ZC3H6: variants seen among roughly 807,000 people sequenced by gnomAD.
ZC3H6 encodes the protein zinc finger CCCH-type containing 6, also known as zinc finger CCCH domain-containing protein 6.
Under a neutral mutation model 107.7 loss-of-function variants are expected in ZC3H6, and 40 were observed. That is an observed-to-expected ratio of 0.37 (90% confidence interval 0.29 to 0.48). The LOEUF is 0.48. ZC3H6 is among the 20% of genes least tolerant of loss of function. The pLI is 0.98. For missense variants in ZC3H6, 1,267 were observed against 1,410.4 expected (o/e 0.90, Z 1.63); for synonymous variants, 493 against 487.9 (o/e 1.01, Z -0.14).
At chr2:112,293,895 G>A (rs1029690283) in intron 1 of ZC3H6, among the ~76,000 whole-genome samples, 2 of 152,146 alleles carry the variant, frequency 1.3e-5, no homozygotes, top group Admixed American at 6.5e-5. Context: ...GAAACTAAAC[G>A]GGACCACATG....
chr2:112,290,666 T>A (rs1573948831), intron 1 of ZC3H6, among the ~76,000 whole-genome samples: 1 of 151,810 alleles, frequency 6.6e-6, no homozygotes. Flanking sequence ...TTTTTTTTTT[T>A]AGCTGGAAGG....
At position 112,332,089 on chromosome 2, in the gene ZC3H6, A is replaced by G; in HGVS notation, c.3171A>G (p.Ser1057=). The G allele has an allele frequency of 6.2e-7, 1 of 1,614,012 alleles. No homozygotes were observed. ...SLYDPRDHGS[S]STSELATASS... is the part of the protein sequence containing the mutation. ...ATGACCCTAGGGATCACGGTTCATC[A>G]TCCACATCAGAGCTAGCAACAGCTT... Residue 1057 remains serine, a synonymous_variant, in exon 12 of 12, where the codon TCA becomes TCG. Coordinates refer to ENST00000409871, the MANE Select transcript of ZC3H6 (RefSeq NM_198581.3).
intron 11 of ZC3H6, among the ~76,000 whole-genome samples, chr2:112,328,506 T>A (rs1676955979): frequency 6.6e-6 from 1 of 152,240 alleles, no homozygotes; most frequent in Non-Finnish European, 1.5e-5. Flanking sequence ...CTCTTCAGTT[T>A]CTTGCATCAA....
rs372173702 is a variant in ZC3H6, at chr2:112,325,213, T to A, written c.2086+16T>A. 3 of 1,611,502 alleles carry A rather than the reference T, an allele frequency of 1.9e-6. No individual in the cohort carries two copies. Among genetic ancestry groups the A allele is most frequent in the South Asian group, 2.2e-5 (2 of 90,916 alleles). On this transcript the variant is annotated intron_variant, in intron 11 of 11. Transcript: ENST00000409871. Reference sequence around the variant, plus strand: ...AAGGAAGAAGGTGTGTCAGAAGTTATTAATAGCATCTTACCTATTTGGATG... The same window carrying A: ...AAGGAAGAAGGTGTGTCAGAAGTTAATAATAGCATCTTACCTATTTGGATG...
At chr2:112,329,866 A>G (rs1056472529) in intron 11 of ZC3H6, among the ~76,000 whole-genome samples, 2 of 152,224 alleles carry the variant, frequency 1.3e-5, no homozygotes, top group East Asian at 3.8e-4. Context: ...GTATATTTTA[A>G]TGGAGAGGAG....
intron 5 of ZC3H6, among the ~76,000 whole-genome samples, chr2:112,312,369 ATATAAAT>A (rs1676609841): frequency 1.3e-5 from 2 of 152,136 alleles, no homozygotes; most frequent in African/African-American, 2.4e-5. Context: ...AGAAAGGGGG[ATATAAAT>A]GGTTGGAAAG....
At chr2:112,308,302 A>G (rs1676515015) in intron 3 of ZC3H6, among the ~76,000 whole-genome samples, 2 of 151,788 alleles carry the variant, frequency 1.3e-5, no homozygotes, top group Non-Finnish European at 2.9e-5. Flanking sequence ...TTAGTTATGC[A>G]TTTTTTCTCT....
At position 112,275,729 on chromosome 2, in the gene ZC3H6, A is replaced by G. The variant is rs1558942490; in HGVS notation, c.-266A>G. 4.8e-6 allele frequency: 2 copies of G among 415,518 alleles called. No individual in the cohort carries two copies. 25.7% of individuals were successfully genotyped at this position (415,518 alleles called of 1,614,324 possible). ...CCCACGCCACAGCCACCGGCGGCGA[A>G]TAGAGACTAGAGCGGCAGCGCCGGC... On this transcript the variant is annotated 5_prime_UTR_variant, in exon 1 of 12. Coordinates refer to ENST00000409871, the MANE Select transcript of ZC3H6 (RefSeq NM_198581.3).
chr2:112,298,756 C>G (rs569220492), intron 1 of ZC3H6, among the ~76,000 whole-genome samples: 1 of 152,100 alleles, frequency 6.6e-6, no homozygotes, highest in Non-Finnish European at 1.5e-5. Context: ...TTGTCGTATG[C>G]ACACCAACTA....
intron 1 of ZC3H6, among the ~76,000 whole-genome samples, chr2:112,296,144 A>C (rs940904829): frequency 1.3e-5 from 2 of 152,210 alleles, no homozygotes; most frequent in Non-Finnish European, 2.9e-5. Flanking sequence ...CACACAGATT[A>C]ATATACAGAA....
At chr2:112,299,740 C>A in intron 1 of ZC3H6, 109 bp from the exon 2 acceptor site, 1 of 877,814 alleles carries the variant, frequency 1.1e-6, no homozygotes, top group Non-Finnish European at 1.6e-6. Flanking sequence ...AAGTGCTTGT[C>A]TAAATGAATA....
In ZC3H6 at chr2:112,335,219, C is replaced by T. The variant is rs977331564; in HGVS notation, c.*2731C>T. ...ACAATTGGGTCTGTTTCTATATGGA[C>T]CCTCTATTTCCCAGCTGAATGTTTC... On this transcript the variant is annotated 3_prime_UTR_variant, in exon 12 of 12. Coordinates refer to ENST00000409871, the MANE Select transcript of ZC3H6 (RefSeq NM_198581.3). The T allele has an allele frequency of 1.3e-5, 2 of 152,164 alleles. No homozygotes were observed. Among genetic ancestry groups the T allele is most frequent in the African/African-American group, 4.8e-5 (2 of 41,442 alleles). The allele number at this position is 152,164 out of a possible 1,614,324, so 9.4% of individuals were successfully genotyped here.
intron 5 of ZC3H6, among the ~76,000 whole-genome samples, chr2:112,314,173 C>T (rs1210320028): frequency 7.1e-6 from 1 of 140,980 alleles, no homozygotes. Context: ...TCCATCTCTC[C>T]CTCTTTCTCT....
At chr2:112,288,351 T>C (rs1489425280) in intron 1 of ZC3H6, among the ~76,000 whole-genome samples, 2 of 152,226 alleles carry the variant, frequency 1.3e-5, no homozygotes, top group Admixed American at 6.5e-5. Flanking sequence ...TAGTCCAGCA[T>C]AGTAATTCTA....
chr2:112,297,347 T>C (rs1676259873), intron 1 of ZC3H6, among the ~76,000 whole-genome samples: 2 of 152,202 alleles, frequency 1.3e-5, no homozygotes, highest in Non-Finnish European at 2.9e-5. Flanking sequence ...AAATTACACA[T>C]ACCTGGTAAT....
chr2:112,302,750 C>A (rs1475379945), intron 2 of ZC3H6, among the ~76,000 whole-genome samples: 1 of 151,860 alleles, frequency 6.6e-6, no homozygotes, highest in South Asian at 2.1e-4. Flanking sequence ...ATTTTGTGGG[C>A]CAGATTTATT....
Position 112,322,213 on chromosome 2 carries a change from C to CTCTTT in ZC3H6, c.1086+365_1086+369dup, listed in dbSNP as rs1398772612. Among the ~76,000 whole-genome samples the CTCTTT allele has an allele frequency of 8.7e-5, 13 of 149,534 alleles. 2 individuals are homozygous for CTCTTT. Among genetic ancestry groups the CTCTTT allele is most frequent in the Middle Eastern group, 6.8e-3 (2 of 292 alleles). ...CTTATTTCTCTCTCTCTCTCTCTGT[C>CTCTTT]TCTTTTCTTTTCTTTTCTTTTGGCA... On this transcript the variant is annotated intron_variant, in intron 8 of 11. Coordinates refer to ENST00000409871, the MANE Select transcript of ZC3H6 (RefSeq NM_198581.3).
intron 3 of ZC3H6, among the ~76,000 whole-genome samples, chr2:112,305,045 A>G (rs1676450483): frequency 6.6e-6 from 1 of 152,222 alleles, no homozygotes; most frequent in Admixed American, 6.5e-5. Flanking sequence ...CAATATGTCC[A>G]GTGATTTTAG....
chr2:112,298,036 C>T (rs1199606897), intron 1 of ZC3H6, among the ~76,000 whole-genome samples: 2 of 152,134 alleles, frequency 1.3e-5, no homozygotes, highest in South Asian at 4.1e-4. Flanking sequence ...ATCGCTTGAA[C>T]CTGGGAGGTG....
Sources: allele counts gnomAD v4.1 joint callset (sites outside exome capture counted in the v4.1 genomes callset), GRCh38; gene constraint gnomAD v4.1.1; transcripts MANE v1.5; gene names NCBI Gene and HGNC (gene_info 2026-07-23, HGNC 2026-07-21).